The following ENPEP variants were observed in gnomAD, a reference collection of about 807,000 sequenced individuals.
ENPEP encodes AP-A.
A neutral mutation model predicts 114.5 loss-of-function variants in ENPEP; 103 were observed. The ratio of observed to expected loss-of-function variants is 0.90; its 90% CI spans 0.77 to 1.06. The LOEUF is 1.06. Ranked by LOEUF, ENPEP falls within the 50% of genes least tolerant of loss-of-function variation. The pLI is 0.00. For missense variants in ENPEP, 1,196 were observed against 1,161.3 expected (o/e 1.03, Z -0.43); for synonymous variants, 420 against 422.0 (o/e 1.00, Z 0.06).
intron 4 of ENPEP, among the ~76,000 whole-genome samples, chr4:110,507,094 A>G (rs561458027): frequency 6.6e-6 from 1 of 152,214 alleles, no homozygotes; most frequent in African/African-American, 2.4e-5. Flanking sequence ...TGATTTCAAA[A>G]TCGGCATTCA....
chr4:110,487,551 A>G (rs1724551025), intron 1 of ENPEP, among the ~76,000 whole-genome samples: 1 of 152,062 alleles, frequency 6.6e-6, no homozygotes, highest in Non-Finnish European at 1.5e-5. Flanking sequence ...TGTGGAAGGG[A>G]CTCAATTAAT....
At chr4:110,513,641 T>C in intron 7 of ENPEP, 92 bp downstream of exon 7, 2 of 1,491,766 alleles carry the variant, frequency 1.3e-6, no homozygotes, top group Non-Finnish European at 1.8e-6. Flanking sequence ...GGTCACACTG[T>C]GCCAGTGAGC....
At chr4:110,543,763 G>A (rs1000402741) in intron 13 of ENPEP, among the ~76,000 whole-genome samples, 4 of 151,718 alleles carry the variant, frequency 2.6e-5, no homozygotes, top group Admixed American at 1.3e-4. Context: ...CTTTGTAGTC[G>A]CCTCATTCTA....
intron 8 of ENPEP, chr4:110,519,292 A>T (rs2110362194): frequency 3.5e-6 from 1 of 286,408 alleles, no homozygotes; most frequent in East Asian, 7.7e-5. Context: ...ATATGTGCAA[A>T]GTTAACATTA....
chr4:110,497,058 T>A lies in ENPEP; in HGVS notation c.918+5894T>A, dbSNP rs560523331. On this transcript the variant is annotated intron_variant, in intron 3 of 19. Transcript: ENST00000265162. Reference sequence around the variant, plus strand: ...GACCACCACAGTGATTAATAAATATTTAGGGAGTGATAATTAAAGGCTATG... The same window carrying A: ...GACCACCACAGTGATTAATAAATATATAGGGAGTGATAATTAAAGGCTATG... Among the ~76,000 whole-genome samples, 52 of 152,284 alleles carry A rather than the reference T, an allele frequency of 3.4e-4. 1 individual carries two copies. The highest frequency in any genetic ancestry group is 2.9e-5 in the Non-Finnish European group (2 of 68,006).
intron 1 of ENPEP, among the ~76,000 whole-genome samples, chr4:110,483,505 A>G (rs1412594884): frequency 6.6e-6 from 1 of 152,026 alleles, no homozygotes; most frequent in African/African-American, 2.4e-5. Flanking sequence ...GATCCAAGCC[A>G]TAACTTGTGC....
Position 110,564,525 on chromosome 4 carries a change from T to G in ENPEP, c.*2967T>G, listed in dbSNP as rs1462577039. The G allele has an allele frequency of 6.6e-6, 1 of 152,124 alleles. No individual in the cohort carries two copies. The highest frequency in any genetic ancestry group is 1.5e-5 in the Non-Finnish European group (1 of 68,026). 9.4% of individuals were successfully genotyped at this position (152,124 alleles called of 1,614,324 possible). ...TAGGAAATAACAATCACTCAATAAG[T>G]GTTAGCTCTTATTATTGTTACTATT... On this transcript the variant is annotated 3_prime_UTR_variant, in exon 20 of 20. Coordinates refer to ENST00000265162, the MANE Select transcript of ENPEP (RefSeq NM_001977.4).
intron 1 of ENPEP, among the ~76,000 whole-genome samples, chr4:110,485,422 A>G (rs949693447): frequency 3.3e-5 from 5 of 152,182 alleles, no homozygotes; most frequent in Admixed American, 2.0e-4. Context: ...CTTCCTTTCC[A>G]GAGCACATGG....
rs768067659 is a variant in ENPEP, at chr4:110,506,613, A to G, written c.919-24A>G. 3 of 1,575,906 alleles carry G rather than the reference A, an allele frequency of 1.9e-6. No individual in the cohort carries two copies. In the East Asian group the frequency reaches 6.8e-5, roughly 36 times the overall value. ...GTTGAATGAAGAATAATTTTCACTG[A>G]ATTTTTTGTGTTTTGTTTAATAGCT... On this transcript the variant is annotated intron_variant, in intron 3 of 19. Coordinates refer to ENST00000265162, the MANE Select transcript of ENPEP (RefSeq NM_001977.4).
chr4:110,549,328 A>C lies in ENPEP; in HGVS notation c.2152-18A>C. ...TGTAGTAAATTGTTACTTATTGTAC[A>C]TAATACTTTTATTTCAGGAATACTT... On this transcript the variant is annotated intron_variant, in intron 14 of 19. Coordinates refer to ENST00000265162, the MANE Select transcript of ENPEP (RefSeq NM_001977.4). 1 of 1,599,680 alleles carries C rather than the reference A, an allele frequency of 6.3e-7. No homozygotes were observed. The highest frequency in any genetic ancestry group is 1.1e-5 in the South Asian group (1 of 90,768).
Position 110,564,138 on chromosome 4 carries a change from A to T in ENPEP, c.*2580A>T, listed in dbSNP as rs1363540480. 6.6e-6 allele frequency: 1 copy of T among 151,992 alleles called. No individual in the cohort carries two copies. Among genetic ancestry groups the T allele is most frequent in the Non-Finnish European group, 1.5e-5 (1 of 67,986 alleles). 9.4% of individuals were successfully genotyped at this position (151,992 alleles called of 1,614,324 possible). ...GCATTTTTATAAACACTAGCACTCCACATAACATTAATTTTTACAAAACCC... is the reference window on the plus strand; with the variant it reads ...GCATTTTTATAAACACTAGCACTCCTCATAACATTAATTTTTACAAAACCC... On this transcript the variant is annotated 3_prime_UTR_variant, in exon 20 of 20. Transcript: ENST00000265162.
chr4:110,476,909 G>T lies in ENPEP; in HGVS notation c.495G>T (p.Lys165Asn). The change falls in exon 1 of 20, where the codon AAG becomes AAT. Residue 165 changes from lysine (K) to asparagine (N), a missense_variant. Physicochemically the swap from Lys to Asn is moderately conservative, Grantham distance 94. Coordinates refer to ENST00000265162, the MANE Select transcript of ENPEP (RefSeq NM_001977.4). ...TCCGGAGGTGTTTCGAGTACAAAAA[G>T]CAGGAGTACGTGGTGGTCGAGGCGG... Reference protein sequence around the residue: ...VQVRRCFEYKKQEYVVVEAEE... With the variant: ...VQVRRCFEYKNQEYVVVEAEE... 1 of 1,614,182 alleles carries T rather than the reference G, an allele frequency of 6.2e-7. No homozygotes were observed. Among genetic ancestry groups the T allele is most frequent in the Non-Finnish European group, 8.5e-7 (1 of 1,180,030 alleles).
At chr4:110,477,357 A>G (rs1300483215) in intron 1 of ENPEP, among the ~76,000 whole-genome samples, 1 of 152,218 alleles carries the variant, frequency 6.6e-6, no homozygotes, top group Non-Finnish European at 1.5e-5. Flanking sequence ...ATTTCCATAA[A>G]TTATCTCAGG....
chr4:110,477,214 T>C (rs1328322768), intron 1 of ENPEP, among the ~76,000 whole-genome samples, 156 bp downstream of exon 1: 1 of 152,234 alleles, frequency 6.6e-6, no homozygotes, highest in Non-Finnish European at 1.5e-5. Flanking sequence ...GAAGCCAAAA[T>C]TGTTGCCCTA....
At chr4:110,480,729 G>C (rs1455266009) in intron 1 of ENPEP, among the ~76,000 whole-genome samples, 2 of 152,146 alleles carry the variant, frequency 1.3e-5, no homozygotes, top group African/African-American at 2.4e-5. Flanking sequence ...ATTGAGACAT[G>C]GGGAAGAAAG....
At chr4:110,487,105 C>T (rs1560551130) in intron 1 of ENPEP, among the ~76,000 whole-genome samples, 1 of 152,150 alleles carries the variant, frequency 6.6e-6, no homozygotes, top group African/African-American at 2.4e-5. Context: ...CAAAATATCT[C>T]AAGCATTAAT....
At chr4:110,526,045 G>GT (rs1467182787) in intron 10 of ENPEP, among the ~76,000 whole-genome samples, 2 of 152,126 alleles carry the variant, frequency 1.3e-5, no homozygotes, top group East Asian at 3.9e-4. Context: ...GGAGGCCTAG[G>GT]TGGGTGGATC....
At position 110,520,079 on chromosome 4, in the gene ENPEP, G is replaced by C; in HGVS notation, c.1575+6G>C. The C allele has an allele frequency of 6.2e-7, 1 of 1,613,722 alleles. No individual in the cohort carries two copies. Among genetic ancestry groups the C allele is most frequent in the Non-Finnish European group, 8.5e-7 (1 of 1,179,688 alleles). On this transcript the variant is annotated splice_donor_region_variant and intron_variant, in intron 9 of 19. Coordinates refer to ENST00000265162, the MANE Select transcript of ENPEP (RefSeq NM_001977.4). Reference sequence around the variant, plus strand: ...TTTGGGCAGCACTGGAAGAGGTAAGGAAGAGTATATGTCCCCAAATATTTC... The same window carrying C: ...TTTGGGCAGCACTGGAAGAGGTAAGCAAGAGTATATGTCCCCAAATATTTC...
intron 4 of ENPEP, 96 bp from the exon 5 acceptor site, chr4:110,509,557 T>C: frequency 6.9e-7 from 1 of 1,458,120 alleles, no homozygotes; most frequent in African/African-American, 1.4e-5. Flanking sequence ...TTTTAGGCTT[T>C]TAAAAAACAT....
Sources: gnomAD v4.1 joint callset for allele counts (sites outside exome capture counted in the v4.1 genomes callset) on GRCh38, gnomAD v4.1.1 for gene constraint, MANE v1.5 for transcripts, NCBI Gene and HGNC (gene_info 2026-07-23, HGNC 2026-07-21) for gene names.